Variants in GPNMB observed in about 807,000 individuals in gnomAD.
The protein encoded by GPNMB is glycoprotein nmb, also known as transmembrane glycoprotein NMB.
GPNMB carries 71 observed loss-of-function variants against 57.3 expected under a neutral mutation model. That is an observed-to-expected ratio of 1.24 (90% confidence interval 1.02 to 1.51). The LOEUF is 1.51. GPNMB is among the 40% of genes most tolerant of loss of function. GPNMB has a pLI of 0.00. For synonymous variants in GPNMB, 253 were observed against 263.2 expected, an observed-to-expected ratio of 0.96 and a Z score of 0.38; for missense variants, 677 against 691.9, an observed-to-expected ratio of 0.98 and a Z score of 0.24.
At chr7:23,263,445 C>G (rs1414961240) in intron 6 of GPNMB, among the ~76,000 whole-genome samples, 1 of 151,908 alleles carries the variant, frequency 6.6e-6, no homozygotes, top group Non-Finnish European at 1.5e-5. Flanking sequence ...AACCCCGTCT[C>G]TACCGAAAAT....
At chr7:23,270,640 T>C (rs538324544) in intron 9 of GPNMB, among the ~76,000 whole-genome samples, 1 of 152,278 alleles carries the variant, frequency 6.6e-6, no homozygotes, top group East Asian at 1.9e-4. Flanking sequence ...CCTTGGTCCC[T>C]TCTAACTTAC....
At chr7:23,265,971 C>T (rs777627914) in intron 6 of GPNMB, among the ~76,000 whole-genome samples, 15 of 150,998 alleles carry the variant, frequency 9.9e-5, no homozygotes, top group East Asian at 2.0e-4. Context: ...TTTTTTGAGA[C>T]GGAGTCTCGC....
intron 6 of GPNMB, among the ~76,000 whole-genome samples, chr7:23,262,457 A>G (rs560264065): frequency 1.3e-5 from 2 of 152,196 alleles, no homozygotes; most frequent in South Asian, 2.1e-4. Flanking sequence ...CAAGAGGGCT[A>G]TTCATATTGT....
In GPNMB at chr7:23,256,874, G is replaced by C. The variant is rs781593180; in HGVS notation, c.368-18G>C. ...TGAGCCTAGATAACACTCATGGCTGGTTTCTATCTCTGTTTAGAGGCTGGT... is the reference window on the plus strand; with the variant it reads ...TGAGCCTAGATAACACTCATGGCTGCTTTCTATCTCTGTTTAGAGGCTGGT... On this transcript the variant is annotated intron_variant, in intron 3 of 10. Coordinates refer to ENST00000258733, the MANE Select transcript of GPNMB (RefSeq NM_002510.3). The C allele has an allele frequency of 5.6e-6, 9 of 1,609,660 alleles. No homozygotes were observed. In the South Asian group the frequency reaches 8.8e-5, roughly 16 times the overall value.
chr7:23,247,947 C>T (rs528721562), intron 1 of GPNMB: 1 of 152,426 alleles, frequency 6.6e-6, no homozygotes, highest in East Asian at 1.9e-4. Context: ...CACACGAGGC[C>T]ACGGGCCACA....
chr7:23,259,248 T>C (rs898733817), intron 4 of GPNMB, among the ~76,000 whole-genome samples: 2 of 152,144 alleles, frequency 1.3e-5, no homozygotes, highest in African/African-American at 4.8e-5. Flanking sequence ...TGCAGTGGTG[T>C]GATCTCAGCT....
At chr7:23,260,322 C>T (rs2128482822) in intron 5 of GPNMB, 134 bp from the exon 6 acceptor site, 1 of 1,014,250 alleles carries the variant, frequency 9.9e-7, no homozygotes. Flanking sequence ...CCCCAGAAAA[C>T]TTGCATGTGA....
chr7:23,274,233 C>G lies in GPNMB; in HGVS notation c.*9C>G. On this transcript the variant is annotated 3_prime_UTR_variant, in exon 11 of 11. Coordinates refer to ENST00000258733, the MANE Select transcript of GPNMB (RefSeq NM_002510.3). ...TTAAAGGAGTTTCTTAAATTTCGAC[C>G]TTGTTTCTGAAGCTCACTTTTCAGT... is the stretch of plus-strand genomic sequence containing the variant. The G allele has an allele frequency of 6.2e-7, 1 of 1,609,216 alleles. No homozygotes were observed. The highest frequency in any genetic ancestry group is 8.5e-7 in the Non-Finnish European group (1 of 1,176,512).
intron 9 of GPNMB, among the ~76,000 whole-genome samples, chr7:23,270,387 C>T (rs1306828555): frequency 6.6e-6 from 1 of 151,910 alleles, no homozygotes; most frequent in Non-Finnish European, 1.5e-5. Context: ...GAAATAGTGG[C>T]CAAAGAAAAG....
At chr7:23,271,905 T>C (rs1783216706) in intron 9 of GPNMB, among the ~76,000 whole-genome samples, 1 of 152,084 alleles carries the variant, frequency 6.6e-6, no homozygotes, top group Admixed American at 6.5e-5. Context: ...TAAAAGAAAA[T>C]AATCATACAT....
At chr7:23,253,565 A>G (rs1782707951) in intron 2 of GPNMB, 106 bp downstream of exon 2, 1 of 948,620 alleles carries the variant, frequency 1.1e-6, no homozygotes, top group Non-Finnish European at 1.6e-6. Context: ...TCCACGAATG[A>G]CAGTGCTCTC....
At position 23,260,062 on chromosome 7, in the gene GPNMB, G is replaced by C. The variant is rs752143945; in HGVS notation, c.624G>C (p.Met208Ile). 1.9e-6 allele frequency: 3 copies of C among 1,614,078 alleles called. No individual in the cohort carries two copies. Among genetic ancestry groups the C allele is most frequent in the African/African-American group, 1.3e-5 (1 of 75,054 alleles). The change falls in exon 5 of 11, where the codon ATG becomes ATC. Residue 208 changes from methionine to isoleucine, a missense_variant. Transcript: ENST00000258733. ...TANVTLGPQLMEVTVYRRHGR... is the reference protein window; with the variant it reads ...TANVTLGPQLIEVTVYRRHGR... ...ATGTGACACTTGGGCCTCAACTCATGGAAGTGACTGTCTACAGAAGACATG... is the reference window on the plus strand; with the variant it reads ...ATGTGACACTTGGGCCTCAACTCATCGAAGTGACTGTCTACAGAAGACATG...
intron 1 of GPNMB, among the ~76,000 whole-genome samples, chr7:23,249,000 C>T (rs1291107152): frequency 2.0e-5 from 3 of 152,028 alleles, no homozygotes; most frequent in Non-Finnish European, 2.9e-5. Context: ...CCCAGGCTGG[C>T]CTCAAACTTC....
chr7:23,253,518 A>T (rs2128481302), intron 2 of GPNMB, 59 bp downstream of exon 2: 1 of 1,435,546 alleles, frequency 7.0e-7, no homozygotes, highest in East Asian at 2.3e-5. Context: ...AGTCTTGTAG[A>T]TGGTAAAGCC....
At chr7:23,272,846 CTTT>C (rs34346503) in intron 9 of GPNMB, among the ~76,000 whole-genome samples, 9 of 139,564 alleles carry the variant, frequency 6.4e-5, no homozygotes, top group Admixed American at 7.1e-5. Context: ...AGGTGGTGAT[CTTT>C]TTTTTTTTTT....
At chr7:23,269,586 A>G (rs1783148840) in intron 8 of GPNMB, among the ~76,000 whole-genome samples, 1 of 152,250 alleles carries the variant, frequency 6.6e-6, no homozygotes, top group East Asian at 1.9e-4. Flanking sequence ...AGGGCCAACT[A>G]TGGCATCTAA....
intron 6 of GPNMB, chr7:23,266,244 C>T (rs1386076093): frequency 7.4e-6 from 3 of 408,082 alleles, no homozygotes; most frequent in South Asian, 5.6e-5. Flanking sequence ...CCACTGCACC[C>T]GGCCAGTTTC....
chr7:23,273,690 A>C, intron 10 of GPNMB, 76 bp downstream of exon 10: 1 of 972,152 alleles, frequency 1.0e-6, no homozygotes, highest in Non-Finnish European at 1.6e-6. Context: ...GTAAATAGGC[A>C]TTTTTCCCTT....
chr7:23,248,326 A>G (rs1454590000), intron 1 of GPNMB, among the ~76,000 whole-genome samples: 2 of 152,088 alleles, frequency 1.3e-5, no homozygotes, highest in East Asian at 3.9e-4. Context: ...GACACCTGCT[A>G]TTATTCCACC....
Sources: gnomAD v4.1 joint callset for allele counts (sites outside exome capture counted in the v4.1 genomes callset) on GRCh38, gnomAD v4.1.1 for gene constraint, MANE v1.5 for transcripts, NCBI Gene and HGNC (gene_info 2026-07-23, HGNC 2026-07-21) for gene names.